Variants in SP6 observed in about 807,000 individuals in gnomAD.
SP6 encodes transcription factor Sp6.
In SP6, 10 loss-of-function variants were observed where a neutral mutation model predicts 23.4. The observed-to-expected ratio is 0.43, with a 90% CI of 0.26 to 0.72. The LOEUF (loss-of-function observed/expected upper bound fraction) is 0.72. Ranked by LOEUF, SP6 falls within the 30% of genes least tolerant of loss-of-function variation. The pLI is 0.23. For missense variants in SP6, 482 were observed against 523.8 expected, an observed-to-expected ratio of 0.92 and a Z score of 0.78; for synonymous variants, 238 against 238.7, an observed-to-expected ratio of 1.00 and a Z score of 0.03.
In SP6 at chr17:47,847,443, C is replaced by T; in HGVS notation, c.987G>A (p.Leu329=). 6.2e-7 allele frequency: 1 copy of T among 1,613,732 alleles called. No individual in the cohort carries two copies. Among genetic ancestry groups the T allele is most frequent in the Non-Finnish European group, 8.5e-7 (1 of 1,179,912 alleles). ...CCTCGTGGGTTTTCATGTGCTTGGC[C>T]AGGTGGTCGCTGCGCATGAAGACGC... is the stretch of plus-strand genomic sequence containing the variant. ...CSRVFMRSDH[L]AKHMKTHEGA... is the part of the protein sequence containing the mutation. Residue 329 remains leucine (L), a synonymous_variant, in exon 2 of 2, where the codon CTG becomes CTA. Coordinates refer to ENST00000536300, the MANE Select transcript of SP6 (RefSeq NM_001258248.2).
At chr17:47,862,401 G>A in the SP6 span, among the ~76,000 whole-genome samples, 1 of 151,278 alleles carries the variant, frequency 6.6e-6, no homozygotes. Context: ...CAAGCTACTT[G>A]GGAGGCTGAG....
chr17:47,847,827 C>A lies in SP6; in HGVS notation c.603G>T (p.Gly201=). ...CCGCCCCGTCCAGGCTGGAATCCAG[C>A]CCTTGAGACTCCGGGGCGGCTACTT... is the stretch of plus-strand genomic sequence containing the variant. The part of the protein sequence containing the change: ...ALEVAAPESQ[G]LDSSLDGAAR... Residue 201 remains glycine, a synonymous_variant, in exon 2 of 2, where the codon GGG becomes GGT. Transcript: ENST00000536300. 1 of 1,526,244 alleles carries A rather than the reference C, an allele frequency of 6.6e-7. No homozygotes were observed. The highest frequency in any genetic ancestry group is 8.8e-7 in the Non-Finnish European group (1 of 1,140,886). 94.5% of individuals were successfully genotyped at this position (1,526,244 alleles called of 1,614,324 possible). A position where few individuals can be genotyped will look rare whatever the true frequency, so the allele number is the denominator to read the frequency against.
the SP6 span, among the ~76,000 whole-genome samples, chr17:47,863,117 A>C: frequency 7.9e-5 from 12 of 152,390 alleles, no homozygotes; most frequent in Non-Finnish European, 1.6e-4. Flanking sequence ...CCACAGCAGG[A>C]GGGCCCTCTG....
the SP6 span, among the ~76,000 whole-genome samples, chr17:47,867,057 G>T: frequency 1.3e-5 from 2 of 152,150 alleles, no homozygotes; most frequent in East Asian, 3.9e-4. Flanking sequence ...GAGGTTGTGC[G>T]GCCGGCTGGG....
the SP6 span, chr17:47,863,435 A>G: frequency 3.3e-5 from 5 of 152,168 alleles, no homozygotes; most frequent in African/African-American, 1.2e-4. Flanking sequence ...TTTGTTGAAT[A>G]AGTTAATGGA....
rs1488974189 is a variant in SP6 at position 47,846,059 on chromosome 17, T to C, written c.*1240A>G. 1 of 152,232 alleles carries C rather than the reference T, an allele frequency of 6.6e-6. No homozygotes were observed. The highest frequency in any genetic ancestry group is 1.5e-5 in the Non-Finnish European group (1 of 68,040). The allele number at this position is 152,232 out of a possible 1,614,324, so 9.4% of individuals were successfully genotyped here. ...AAGGGAATGGGGACAGCTTCCTGGA[T>C]GTCACCTCAGAAGGCAGAACCCCTT... On this transcript the variant is annotated 3_prime_UTR_variant, in exon 2 of 2. Transcript: ENST00000536300.
At chr17:47,859,935 A>G (rs2034024078), upstream of SP6, among the ~76,000 whole-genome samples, 1 of 152,186 alleles carries the variant, frequency 6.6e-6, no homozygotes. Flanking sequence ...GCAGAGGCAG[A>G]AAAAGCAGAA....
chr17:47,847,761 T>C lies in SP6; in HGVS notation c.669A>G (p.Ser223=). The C allele has an allele frequency of 6.4e-7, 1 of 1,566,418 alleles. No homozygotes were observed. Among genetic ancestry groups the C allele is most frequent in the Non-Finnish European group, 8.6e-7 (1 of 1,156,652 alleles). The change falls in exon 2 of 2, where the codon TCA becomes TCG. Residue 223 remains serine (S), a synonymous_variant. Coordinates refer to ENST00000536300, the MANE Select transcript of SP6 (RefSeq NM_001258248.2). ...TGGGGCAGCGACAGACGGTCTGGCC[T>C]GAGCTGCGGGGCACCGACCGCCGGG... The part of the protein sequence containing the change: ...KGSRRSVPRS[S]GQTVCRCPNC...
chr17:47,875,699 G>A, the SP6 span, among the ~76,000 whole-genome samples: 1 of 152,234 alleles, frequency 6.6e-6, no homozygotes, highest in Admixed American at 6.5e-5. Context: ...CGAGGGTGGA[G>A]AGAAGTGCAT....
chr17:47,866,645 G>T, the SP6 span, among the ~76,000 whole-genome samples: 2 of 152,114 alleles, frequency 1.3e-5, no homozygotes, highest in Non-Finnish European at 2.9e-5. Flanking sequence ...GATCGCATCC[G>T]CGGCCTGATG....
the SP6 span, among the ~76,000 whole-genome samples, chr17:47,866,522 A>T: frequency 6.6e-6 from 1 of 152,200 alleles, no homozygotes; most frequent in South Asian, 2.1e-4. Context: ...AAATACAAAC[A>T]ACCATTCCAG....
Position 47,845,496 on chromosome 17 carries a change from C to T in SP6, c.*1803G>A, listed in dbSNP as rs533181112. 6.6e-6 allele frequency: 1 copy of T among 152,582 alleles called. No homozygotes were observed. Among genetic ancestry groups the T allele is most frequent in the East Asian group, 1.9e-4 (1 of 5,184 alleles). 9.5% of individuals were successfully genotyped at this position (152,582 alleles called of 1,614,324 possible). The stretch of plus-strand genomic sequence containing the variant: ...CATCCTGTCCCTTTTAAGGAGGGCC[C>T]CTTTGTATACAAACACATATTCCCA... On this transcript the variant is annotated 3_prime_UTR_variant, in exon 2 of 2. Transcript: ENST00000536300.
In SP6 at chr17:47,846,420, T is replaced by TAATA. The variant is rs2033885634; in HGVS notation, c.*875_*878dup. On this transcript the variant is annotated 3_prime_UTR_variant, in exon 2 of 2. Transcript: ENST00000536300. Reference sequence around the variant, plus strand: ...GGCTGCCTTGAAAACACACCTAGGGTAATAGATGGGGAATGTGAGACTACT... The same window carrying TAATA: ...GGCTGCCTTGAAAACACACCTAGGGTAATAAATAGATGGGGAATGTGAGACTACT... 1 of 152,170 alleles carries TAATA rather than the reference T, an allele frequency of 6.6e-6. No individual in the cohort carries two copies. Among genetic ancestry groups the TAATA allele is most frequent in the African/African-American group, 2.4e-5 (1 of 41,396 alleles). The allele number at this position is 152,170 out of a possible 1,614,324, so 9.4% of individuals were successfully genotyped here.
the SP6 span, among the ~76,000 whole-genome samples, chr17:47,862,462 C>T: frequency 4.8e-5 from 7 of 146,298 alleles, no homozygotes; most frequent in Admixed American, 2.8e-4. Flanking sequence ...GAACTGAGAT[C>T]GCAACACTGC....
the SP6 span, chr17:47,864,314 G>A: frequency 6.6e-6 from 1 of 151,928 alleles, no homozygotes; most frequent in African/African-American, 2.4e-5. Flanking sequence ...TCCCAGGCTG[G>A]AGTGCAGTGG....
At position 47,848,254 on chromosome 17, in the gene SP6, G is replaced by T. The variant is rs760836153; in HGVS notation, c.176C>A (p.Pro59Gln). Residue 59 changes from proline (P) to glutamine (Q), a missense_variant, in exon 2 of 2, where the codon CCG (proline) becomes CAG (glutamine). Physicochemically the swap from Pro to Gln is moderately conservative, Grantham distance 76. Coordinates refer to ENST00000536300, the MANE Select transcript of SP6 (RefSeq NM_001258248.2). This position sits in a 1 kb window ranked among gnomAD's most constrained non-coding sequence, Gnocchi z 5.3. ...ATAGCCCTGCGAGAAGTCCACCTCC[G>T]GGCCCAGCGGGAGGCTCTGCAGCTC... ...PGELQSLPLG[P>Q]EVDFSQGYEL... 2 of 1,611,830 alleles carry T rather than the reference G, an allele frequency of 1.2e-6. No homozygotes were observed. The highest frequency in any genetic ancestry group is 8.5e-7 in the Non-Finnish European group (1 of 1,178,968).
rs372632191 is a variant in SP6 at position 47,847,920 on chromosome 17, C to A, written c.510G>T (p.Ala170=). 12 of 1,565,894 alleles carry A rather than the reference C, an allele frequency of 7.7e-6. No homozygotes were observed. The highest frequency in any genetic ancestry group is 3.4e-4 in the Middle Eastern group (2 of 5,816). ...QLCAPPPHPH[A]HHLLPAAGGQ... Reference sequence around the variant, plus strand: ...CTCCGGCAGCTGGAAGGAGGTGGTGCGCATGCGGGTGGGGTGGCGGGGCAC... The same window carrying A: ...CTCCGGCAGCTGGAAGGAGGTGGTGAGCATGCGGGTGGGGTGGCGGGGCAC... Residue 170 remains alanine (A), a synonymous_variant, in exon 2 of 2, where the codon GCG becomes GCT. Transcript: ENST00000536300.
At chr17:47,859,894 A>C (rs977731700), upstream of SP6, among the ~76,000 whole-genome samples, 1 of 152,122 alleles carries the variant, frequency 6.6e-6, no homozygotes, top group African/African-American at 2.4e-5. Flanking sequence ...GCCGAGAGAA[A>C]AGGCTGGCTG....
upstream of SP6, among the ~76,000 whole-genome samples, chr17:47,858,767 CTTTTTTT>C (rs36092685): frequency 7.0e-3 from 648 of 92,626 alleles, 4 homozygotes; most frequent in Middle Eastern, 0.018. Flanking sequence ...GATGAAGCAT[CTTTTTTT>C]TTTTTTTTTT....
Sources: gnomAD v4.1 joint callset for allele counts (sites outside exome capture counted in the v4.1 genomes callset) on GRCh38, gnomAD v4.1.1 for gene constraint, Gnocchi (gnomAD v3.1) non-coding constraint, MANE v1.5 for transcripts, NCBI Gene and HGNC (gene_info 2026-07-23, HGNC 2026-07-21) for gene names.